MYO16: variants seen among roughly 807,000 people sequenced by gnomAD.
The protein encoded by MYO16 is unconventional myosin-XVI.
MYO16 carries 94 observed loss-of-function variants against 205.3 expected under a neutral mutation model. The ratio of observed to expected loss-of-function variants is 0.46; its 90% CI spans 0.39 to 0.54. The LOEUF (loss-of-function observed/expected upper bound fraction) is 0.54, where lower values mean the gene tolerates loss of function less well. Among genes scored for constraint, MYO16 ranks in the 20% least tolerant of loss-of-function variants. MYO16 has a pLI of 0.00. For synonymous variants in MYO16, 988 were observed against 954.0 expected (o/e 1.04, Z -0.66); for missense variants, 2,315 against 2,387.5 (o/e 0.97, Z 0.63).
intron 20 of MYO16, among the ~76,000 whole-genome samples, chr13:108,973,899 T>A (rs548417501): frequency 6.6e-6 from 1 of 152,136 alleles, no homozygotes; most frequent in African/African-American, 2.4e-5. Context: ...ATATTCCATA[T>A]AGAGAAAACA....
intron 3 of MYO16, among the ~76,000 whole-genome samples, chr13:108,724,551 C>T (rs1251588152): frequency 6.6e-6 from 1 of 151,504 alleles, no homozygotes; most frequent in Non-Finnish European, 1.5e-5. Context: ...TTTTTTAGTA[C>T]TTGTGTCATT....
At chr13:108,785,130 A>C (rs540914158) in intron 4 of MYO16, among the ~76,000 whole-genome samples, 1 of 152,312 alleles carries the variant, frequency 6.6e-6, no homozygotes, top group African/African-American at 2.4e-5. Context: ...TCATTAACAC[A>C]GGCCTTGATT....
At chr13:108,576,555 A>G in the MYO16 span, among the ~76,000 whole-genome samples, 2 of 152,242 alleles carry the variant, frequency 1.3e-5, no homozygotes, top group African/African-American at 4.8e-5. Flanking sequence ...CTATCTGAAA[A>G]ATAACATCTT....
At chr13:108,798,729 C>G (rs1299371716) in intron 6 of MYO16, among the ~76,000 whole-genome samples, 1 of 101,136 alleles carries the variant, frequency 9.9e-6, no homozygotes, top group South Asian at 3.3e-4. Flanking sequence ...GATGGAGTCT[C>G]GCTCTGTCGC....
chr13:108,900,583 T>C (rs912345125), intron 15 of MYO16, among the ~76,000 whole-genome samples: 63 of 152,268 alleles, frequency 4.1e-4, no homozygotes, highest in African/African-American at 2.4e-4. Flanking sequence ...GAAGATTTCA[T>C]GGACACTTAT....
At chr13:109,152,867 C>T (rs1005426644) in intron 32 of MYO16, among the ~76,000 whole-genome samples, 6 of 152,118 alleles carry the variant, frequency 3.9e-5, no homozygotes, top group Admixed American at 3.3e-4. Flanking sequence ...AAAAAGGTTT[C>T]GGAAAAATCA....
intron 21 of MYO16, among the ~76,000 whole-genome samples, chr13:109,000,047 G>A (rs1885162229): frequency 6.6e-6 from 1 of 152,076 alleles, no homozygotes; most frequent in African/African-American, 2.4e-5. Flanking sequence ...TAGAGTACCA[G>A]GATGATTAAA....
intron 31 of MYO16, among the ~76,000 whole-genome samples, chr13:109,133,467 T>C (rs1876633320): frequency 6.6e-6 from 1 of 152,224 alleles, no homozygotes; most frequent in South Asian, 2.1e-4. Context: ...GTCACCGACA[T>C]GCCTTAGCAA....
At chr13:108,784,934 T>G (rs1886412468) in intron 4 of MYO16, among the ~76,000 whole-genome samples, 1 of 152,176 alleles carries the variant, frequency 6.6e-6, no homozygotes, top group Non-Finnish European at 1.5e-5. Flanking sequence ...CAAGCAAATC[T>G]ACCATTGTAT....
intron 1 of MYO16, among the ~76,000 whole-genome samples, chr13:108,641,818 C>T (rs1880516251): frequency 6.6e-6 from 1 of 152,152 alleles, no homozygotes; most frequent in Non-Finnish European, 1.5e-5. Flanking sequence ...ACCTAAAGCA[C>T]ATCACCTGTG....
At chr13:108,689,428 T>C (rs1882806901) in intron 2 of MYO16, among the ~76,000 whole-genome samples, 1 of 152,156 alleles carries the variant, frequency 6.6e-6, no homozygotes, top group African/African-American at 2.4e-5. Context: ...TCATACTTGC[T>C]AATTAAACTA....
chr13:109,036,592 G>A (rs1197054161), intron 23 of MYO16, among the ~76,000 whole-genome samples: 1 of 152,168 alleles, frequency 6.6e-6, no homozygotes, highest in Non-Finnish European at 1.5e-5. Context: ...ATCGCTAACT[G>A]CCGCAGCATA....
chr13:108,592,075 G>A (rs145795305), upstream of MYO16, among the ~76,000 whole-genome samples: 104 of 147,506 alleles, frequency 7.1e-4, no homozygotes, highest in African/African-American at 2.5e-3. Flanking sequence ...ATGTGTGGGG[G>A]GTGGGGGTGG....
At chr13:108,550,971 A>G in the MYO16 span, among the ~76,000 whole-genome samples, 1 of 152,164 alleles carries the variant, frequency 6.6e-6, no homozygotes, top group Non-Finnish European at 1.5e-5. Flanking sequence ...ATTTTGCGGC[A>G]CTTGGTATTA....
intron 29 of MYO16, among the ~76,000 whole-genome samples, chr13:109,121,124 C>T (rs1875970425): frequency 6.6e-6 from 1 of 152,094 alleles, no homozygotes; most frequent in Non-Finnish European, 1.5e-5. Context: ...CTTGAACAGT[C>T]TCTGTTCAGA....
At chr13:108,775,944 C>T (rs1886110969) in intron 4 of MYO16, among the ~76,000 whole-genome samples, 1 of 152,112 alleles carries the variant, frequency 6.6e-6, no homozygotes, top group Non-Finnish European at 1.5e-5. Context: ...TGCCTTCGTC[C>T]AGTGCAAAAA....
chr13:108,846,101 A>G (rs1877506712), intron 10 of MYO16, among the ~76,000 whole-genome samples: 2 of 152,180 alleles, frequency 1.3e-5, no homozygotes, highest in African/African-American at 4.8e-5. Context: ...AGTGTCTGGC[A>G]TAACTTTCCA....
chr13:108,725,155 A>G (rs1205928619), intron 3 of MYO16, among the ~76,000 whole-genome samples: 7 of 152,138 alleles, frequency 4.6e-5, no homozygotes, highest in African/African-American at 1.4e-4. Flanking sequence ...AATATCTTTC[A>G]TTTATGTACT....
chr13:108,747,772 G>C (rs1885112168), intron 4 of MYO16, among the ~76,000 whole-genome samples: 1 of 151,946 alleles, frequency 6.6e-6, no homozygotes, highest in African/African-American at 2.4e-5. Context: ...CCAACTCTAG[G>C]TCGTCTACTT....
Sources: allele counts gnomAD v4.1 joint callset (sites outside exome capture counted in the v4.1 genomes callset), GRCh38; gene constraint gnomAD v4.1.1; transcripts MANE v1.5; gene names NCBI Gene and HGNC (gene_info 2026-07-23, HGNC 2026-07-21).